The following CNTRL variants were observed in gnomAD, a reference collection of about 807,000 sequenced individuals.
The protein encoded by CNTRL is 110 kDa centrosomal protein.
CNTRL carries 233 observed loss-of-function variants against 303.7 expected under a neutral mutation model. The ratio of observed to expected loss-of-function variants is 0.77; its 90% CI spans 0.69 to 0.86. The LOEUF (loss-of-function observed/expected upper bound fraction) is 0.86. CNTRL is among the 40% of genes least tolerant of loss of function. The pLI is 0.00. For synonymous variants in CNTRL, 900 were observed against 922.2 expected, an observed-to-expected ratio of 0.98 and a Z score of 0.44; for missense variants, 2,524 against 2,650.6, an observed-to-expected ratio of 0.95 and a Z score of 1.05.
intron 11 of CNTRL, among the ~76,000 whole-genome samples, chr9:121,115,550 A>G (rs1170721087): frequency 6.6e-6 from 1 of 152,172 alleles, no homozygotes; most frequent in Non-Finnish European, 1.5e-5. Context: ...TATCTCTGCT[A>G]TAGCATGAAC....
chr9:121,174,830 AAAAGT>A (rs943602554), intron 42 of CNTRL, among the ~76,000 whole-genome samples, 183 bp from the exon 43 acceptor site: 11 of 152,288 alleles, frequency 7.2e-5, no homozygotes, highest in African/African-American at 2.6e-4. Flanking sequence ...GACAACACAG[AAAAGT>A]AAAGGTTTAT....
At position 121,079,296 on chromosome 9, in the gene CNTRL, T is replaced by G. The variant is rs556605369; in HGVS notation, c.-204-1010T>G. Among the ~76,000 whole-genome samples, 129 of 151,822 alleles carry G rather than the reference T, an allele frequency of 8.5e-4. 2 individuals carry two copies. Among genetic ancestry groups the G allele is most frequent in the African/African-American group, 2.9e-3 (120 of 41,356 alleles). On this transcript the variant is annotated intron_variant, in intron 1 of 43. Transcript: ENST00000373855. Reference sequence around the variant, plus strand: ...ATAGCAGTTATGTAACTTGGGGGAGTTTTTCTGATCCATATGTATAGTTTA... The same window carrying G: ...ATAGCAGTTATGTAACTTGGGGGAGGTTTTCTGATCCATATGTATAGTTTA...
At chr9:121,170,699 C>T (rs1470297328) in intron 39 of CNTRL, among the ~76,000 whole-genome samples, 4 of 151,786 alleles carry the variant, frequency 2.6e-5, no homozygotes, top group Non-Finnish European at 4.4e-5. Context: ...GTGATCCACA[C>T]GACTTGGCCT....
chr9:121,166,193 A>C lies in CNTRL; in HGVS notation c.5655+13A>C, dbSNP rs1411446485. On this transcript the variant is annotated intron_variant, in intron 36 of 43. Coordinates refer to ENST00000373855, the MANE Select transcript of CNTRL (RefSeq NM_007018.6). ...CCTAGCAAAACAGGTAAGGTTAACA[A>C]ATGTAATATTCTAGTAGTATACTGA... is the stretch of plus-strand genomic sequence containing the variant. The C allele has an allele frequency of 3.1e-6, 5 of 1,591,206 alleles. No homozygotes were observed. The highest frequency in any genetic ancestry group is 4.3e-6 in the Non-Finnish European group (5 of 1,162,216).
At chr9:121,140,819 T>C (rs1417664990) in intron 17 of CNTRL, 33 bp downstream of exon 17, 1 of 1,595,208 alleles carries the variant, frequency 6.3e-7, no homozygotes, top group Non-Finnish European at 8.6e-7. Context: ...AAGTCTAGAG[T>C]GGGCCTCACA....
chr9:121,145,571 T>TA (rs1380802688), intron 22 of CNTRL, among the ~76,000 whole-genome samples, 186 bp downstream of exon 22: 1 of 152,166 alleles, frequency 6.6e-6, no homozygotes, highest in Non-Finnish European at 1.5e-5. Flanking sequence ...GTAAGTGTGT[T>TA]ACTGGGGGAC....
chr9:121,143,600 A>G (rs2051653949), intron 19 of CNTRL, among the ~76,000 whole-genome samples: 1 of 152,198 alleles, frequency 6.6e-6, no homozygotes, highest in South Asian at 2.1e-4. Flanking sequence ...TCCTATGCCC[A>G]GGGCCTGATT....
chr9:121,164,776 GA>G (rs1310342117), intron 34 of CNTRL, among the ~76,000 whole-genome samples, 166 bp from the exon 35 acceptor site: 1 of 152,144 alleles, frequency 6.6e-6, no homozygotes, highest in Non-Finnish European at 1.5e-5. Context: ...TCTCCACTTA[GA>G]AAGCTGATAA....
intron 4 of CNTRL, among the ~76,000 whole-genome samples, chr9:121,092,550 ATC>A (rs2048657807): frequency 4.1e-5 from 1 of 24,154 alleles, no homozygotes; most frequent in Non-Finnish European, 8.4e-5. Context: ...TATTATATAT[ATC>A]TATATATATA....
At chr9:121,145,984 G>A in intron 22 of CNTRL, 124 bp from the exon 23 acceptor site, 1 of 793,390 alleles carries the variant, frequency 1.3e-6, no homozygotes, top group South Asian at 2.2e-5. Context: ...TTACCAAAGG[G>A]CAGACTGAAA....
rs113431306 is a variant in CNTRL, at chr9:121,158,150, C to T, written c.4764+41C>T. 444 of 1,599,894 alleles carry T rather than the reference C, an allele frequency of 2.8e-4. 2 individuals carry two copies. The highest frequency in any genetic ancestry group is 2.2e-3 in the African/African-American group (164 of 73,944). ...CCTTGAAAAAACAACTGACACAGCA[C>T]TTTATGATTATAAAAGTAATACATG... On this transcript the variant is annotated intron_variant, in intron 30 of 43. Coordinates refer to ENST00000373855, the MANE Select transcript of CNTRL (RefSeq NM_007018.6).
chr9:121,154,958 T>G, intron 27 of CNTRL, 45 bp downstream of exon 27: 1 of 1,499,088 alleles, frequency 6.7e-7, no homozygotes, highest in Non-Finnish European at 9.3e-7. Context: ...TGTGGGTGAG[T>G]CAGCTTACTG....
intron 7 of CNTRL, among the ~76,000 whole-genome samples, chr9:121,099,822 A>G (rs1429166933): frequency 6.6e-6 from 1 of 152,232 alleles, no homozygotes; most frequent in African/African-American, 2.4e-5. Flanking sequence ...ATTGAAGATC[A>G]AGTGAATGAA....
At chr9:121,168,570 G>T (rs970125656) in intron 38 of CNTRL, among the ~76,000 whole-genome samples, 2 of 152,152 alleles carry the variant, frequency 1.3e-5, no homozygotes, top group African/African-American at 4.8e-5. Flanking sequence ...TCTCAAGAAA[G>T]TGGAACATTC....
chr9:121,134,222 A>G (rs2051045426), intron 14 of CNTRL, among the ~76,000 whole-genome samples: 1 of 152,140 alleles, frequency 6.6e-6, no homozygotes, highest in Non-Finnish European at 1.5e-5. Context: ...ATTTTCCTGC[A>G]TCACTACGAT....
chr9:121,106,271 G>T (rs1188746083), intron 7 of CNTRL, among the ~76,000 whole-genome samples: 1 of 150,994 alleles, frequency 6.6e-6, no homozygotes, highest in African/African-American at 2.4e-5. Context: ...CCTGGTAGAC[G>T]GAGGCTGCAG....
chr9:121,116,881 A>T (rs2050001188), intron 11 of CNTRL, among the ~76,000 whole-genome samples: 1 of 152,216 alleles, frequency 6.6e-6, no homozygotes, highest in Non-Finnish European at 1.5e-5. Flanking sequence ...GGACTTAATG[A>T]TGGGTTGAAA....
chr9:121,121,915 A>T (rs2050250338), intron 12 of CNTRL: 1 of 984,972 alleles, frequency 1.0e-6, no homozygotes, highest in South Asian at 4.7e-5. Flanking sequence ...CTCTGTTCTC[A>T]ACGGCTCAGT....
chr9:121,157,600 G>A lies in CNTRL; in HGVS notation c.4496G>A (p.Arg1499Lys). ...CTCGTCAAAGCTGATCAGCAGCTAA[G>A]GTAGGTGGATTCCCTAAGCCGTTGA... ...VNLVKADQQLRSLQADAKDLE... is the reference protein window; with the variant it reads ...VNLVKADQQLKSLQADAKDLE... The change falls in exon 28 of 44, where the codon AGA becomes AAA. Residue 1499 changes from arginine to lysine, a missense_variant and splice_region_variant. Coordinates refer to ENST00000373855, the MANE Select transcript of CNTRL (RefSeq NM_007018.6). 1.9e-6 allele frequency: 3 copies of A among 1,613,550 alleles called. No individual in the cohort carries two copies. The highest frequency in any genetic ancestry group is 2.5e-6 in the Non-Finnish European group (3 of 1,179,876).
Sources: gnomAD v4.1 joint callset for allele counts (sites outside exome capture counted in the v4.1 genomes callset) on GRCh38, gnomAD v4.1.1 for gene constraint, MANE v1.5 for transcripts, NCBI Gene and HGNC (gene_info 2026-07-23, HGNC 2026-07-21) for gene names.